Variants in KCNK1 observed in about 807,000 individuals in gnomAD.
The protein encoded by KCNK1 is potassium two pore domain channel subfamily K member 1.
In KCNK1, 10 loss-of-function variants were observed where a neutral mutation model predicts 22.2. The observed-to-expected ratio is 0.45, with a 90% CI of 0.28 to 0.76. The LOEUF (loss-of-function observed/expected upper bound fraction) is 0.76. Among genes scored for constraint, KCNK1 ranks in the 30% least tolerant of loss-of-function variants. KCNK1 has a pLI of 0.14. For missense variants in KCNK1, 378 were observed against 421.0 expected, an observed-to-expected ratio of 0.90 and a Z score of 0.89; for synonymous variants, 200 against 186.4, an observed-to-expected ratio of 1.07 and a Z score of -0.60.
chr1:233,652,351 T>TA (rs1329372673), intron 1 of KCNK1, among the ~76,000 whole-genome samples: 2 of 152,176 alleles, frequency 1.3e-5, no homozygotes, highest in African/African-American at 4.8e-5. Flanking sequence ...TCCTTACCGC[T>TA]ACCCCTGAGG....
At position 233,623,816 on chromosome 1, in the gene KCNK1, T is replaced by C. The variant is rs769552386; in HGVS notation, c.355+9290T>C. ...GTTGGTTGCCATGCTGGTCTTGAAC[T>C]CCTGGCCTCAGGTGATCCACCTCAG... On this transcript the variant is annotated intron_variant, in intron 1 of 2. Transcript: ENST00000366621. Among the ~76,000 whole-genome samples, 142 of 152,184 alleles carry C rather than the reference T, an allele frequency of 9.3e-4. 1 individual carries two copies. The highest frequency in any genetic ancestry group is 5.6e-4 in the Non-Finnish European group (38 of 68,036).
intron 1 of KCNK1, among the ~76,000 whole-genome samples, chr1:233,625,555 A>AT (rs1657674604): frequency 6.6e-6 from 1 of 152,094 alleles, no homozygotes; most frequent in African/African-American, 2.4e-5. Flanking sequence ...TGGGACCTTG[A>AT]TTTTGGGTTA....
chr1:233,670,813 A>G (rs1464441037), intron 2 of KCNK1, among the ~76,000 whole-genome samples: 1 of 152,220 alleles, frequency 6.6e-6, no homozygotes, highest in African/African-American at 2.4e-5. Flanking sequence ...TAGAAATTGT[A>G]AGAGTATTGA....
intron 1 of KCNK1, among the ~76,000 whole-genome samples, chr1:233,657,938 G>A (rs1403234229): frequency 6.6e-6 from 1 of 152,142 alleles, no homozygotes; most frequent in South Asian, 2.1e-4. Context: ...GGAGTATAAA[G>A]AATTTGAATA....
At position 233,666,842 on chromosome 1, in the gene KCNK1, T is replaced by C; in HGVS notation, c.603T>C (p.Ala201=). Residue 201 remains alanine (A), a synonymous_variant, in exon 2 of 3, where the codon GCT becomes GCC. Transcript: ENST00000366621. Reference sequence around the variant, plus strand: ...CCTGCTTCTTCTTCATCCCGGCCGCTGTCTTCTCAGTCCTGGAGGATGACT... The same window carrying C: ...CCTGCTTCTTCTTCATCCCGGCCGCCGTCTTCTCAGTCCTGGAGGATGACT... ...TVSCFFFIPA[A]VFSVLEDDWN... 6.2e-7 allele frequency: 1 copy of C among 1,614,034 alleles called. No individual in the cohort carries two copies. Among genetic ancestry groups the C allele is most frequent in the Non-Finnish European group, 8.5e-7 (1 of 1,179,886 alleles).
intron 1 of KCNK1, among the ~76,000 whole-genome samples, chr1:233,651,121 C>T (rs1290671941): frequency 2.0e-5 from 3 of 152,180 alleles, no homozygotes; most frequent in Non-Finnish European, 2.9e-5. Flanking sequence ...ATCAAGTAAA[C>T]GGTGCGTCTT....
intron 1 of KCNK1, among the ~76,000 whole-genome samples, chr1:233,650,615 T>G (rs1026271167): frequency 5.3e-5 from 8 of 152,178 alleles, no homozygotes; most frequent in African/African-American, 1.7e-4. Flanking sequence ...TTACATGGAT[T>G]GTTTCATTTA....
chr1:233,626,494 T>C (rs1361328166), intron 1 of KCNK1, among the ~76,000 whole-genome samples: 1 of 152,162 alleles, frequency 6.6e-6, no homozygotes. Flanking sequence ...CTTCTGTTGG[T>C]ACAGCATGCC....
chr1:233,671,063 A>G (rs1000735160), intron 2 of KCNK1, among the ~76,000 whole-genome samples: 8 of 152,184 alleles, frequency 5.3e-5, no homozygotes, highest in African/African-American at 1.9e-4. Context: ...TAGGAGGTTA[A>G]ATCATTCTTC....
intron 1 of KCNK1, among the ~76,000 whole-genome samples, chr1:233,628,804 T>G (rs1657740323): frequency 7.2e-6 from 1 of 138,842 alleles, no homozygotes. Flanking sequence ...CCCAACCTAA[T>G]GTAGTGAAAA....
chr1:233,662,158 G>A (rs963731685), intron 1 of KCNK1, among the ~76,000 whole-genome samples: 3 of 152,160 alleles, frequency 2.0e-5, no homozygotes, highest in African/African-American at 7.2e-5. Flanking sequence ...GAAACATTGC[G>A]ACTGATTTCA....
At chr1:233,623,768 T>C (rs1351845879) in intron 1 of KCNK1, among the ~76,000 whole-genome samples, 1 of 152,132 alleles carries the variant, frequency 6.6e-6, no homozygotes, top group East Asian at 1.9e-4. Context: ...TTTGTATTTT[T>C]AGTAGGGACA....
chr1:233,653,126 C>A (rs2102902739), intron 1 of KCNK1, among the ~76,000 whole-genome samples: 1 of 152,298 alleles, frequency 6.6e-6, no homozygotes, highest in South Asian at 2.1e-4. Flanking sequence ...TCCTATATTC[C>A]AAAGCTTGCT....
At chr1:233,616,056 A>G (rs1657483996) in intron 1 of KCNK1, among the ~76,000 whole-genome samples, 1 of 152,122 alleles carries the variant, frequency 6.6e-6, no homozygotes, top group Non-Finnish European at 1.5e-5. Flanking sequence ...CTCTGCCTCC[A>G]TTGTCTTTAC....
At chr1:233,626,040 G>A (rs1024345339) in intron 1 of KCNK1, among the ~76,000 whole-genome samples, 8 of 151,998 alleles carry the variant, frequency 5.3e-5, no homozygotes, top group South Asian at 2.1e-4. Context: ...CTGTTCCAAC[G>A]CGTTCACTCT....
In KCNK1 at chr1:233,646,122, C is replaced by T. The variant is rs79922580; in HGVS notation, c.356-20473C>T. The stretch of plus-strand genomic sequence containing the variant: ...GGACGTATTGATTTTGAGATGCCTA[C>T]GTCACATTCAAGGTGGAAGTTTGAA... On this transcript the variant is annotated intron_variant, in intron 1 of 2. Coordinates refer to ENST00000366621, the MANE Select transcript of KCNK1 (RefSeq NM_002245.4). 2.5e-3 allele frequency among the ~76,000 whole-genome samples: 382 copies of T among 152,092 alleles called. 3 individuals are homozygous for T. The highest frequency in any genetic ancestry group is 0.021 in the East Asian group (107 of 5,164).
At chr1:233,633,022 AC>A (rs1351807744) in intron 1 of KCNK1, among the ~76,000 whole-genome samples, 1 of 151,790 alleles carries the variant, frequency 6.6e-6, no homozygotes, top group African/African-American at 2.4e-5. Context: ...CTTGGCCTTT[AC>A]AAAGACGAGG....
chr1:233,667,670 C>T (rs975894501), intron 2 of KCNK1, among the ~76,000 whole-genome samples: 6 of 132,166 alleles, frequency 4.5e-5, no homozygotes, highest in African/African-American at 1.7e-4. Context: ...GCGGAGCTTG[C>T]AGTGAGCCGA....
At chr1:233,626,709 C>T (rs951776597) in intron 1 of KCNK1, among the ~76,000 whole-genome samples, 5 of 152,168 alleles carry the variant, frequency 3.3e-5, no homozygotes, top group Non-Finnish European at 7.3e-5. Flanking sequence ...GCGTTAAATA[C>T]TTCCAGGCTA....
Sources: allele counts gnomAD v4.1 joint callset (sites outside exome capture counted in the v4.1 genomes callset), GRCh38; gene constraint gnomAD v4.1.1; transcripts MANE v1.5; gene names NCBI Gene and HGNC (gene_info 2026-07-23, HGNC 2026-07-21).